Variants in TMEM168 observed in about 807,000 individuals in gnomAD.
TMEM168 encodes the protein transmembrane protein 168.
Under a neutral mutation model 53.2 loss-of-function variants are expected in TMEM168, and 40 were observed. The ratio of observed to expected loss-of-function variants is 0.75; its 90% CI spans 0.58 to 0.98. The LOEUF (loss-of-function observed/expected upper bound fraction) is 0.98, where lower values mean the gene tolerates loss of function less well. TMEM168 is among the 50% of genes least tolerant of loss of function. TMEM168 has a pLI of 0.00. For synonymous variants in TMEM168, 282 were observed against 293.0 expected (o/e 0.96, Z 0.38); for missense variants, 771 against 828.8 (o/e 0.93, Z 0.86).
At position 112,784,581 on chromosome 7, in the gene TMEM168, TA is replaced by T; in HGVS notation, c.244del (p.Tyr82IlefsTer11). On this transcript the variant is annotated frameshift_variant, in exon 2 of 5. Transcript: ENST00000312814. LOFTEE classifies it high-confidence loss of function. ...TGCTGCTTCCATTGAAAAATAGTAA[TA>T]GAGTATGCTGGCGATTCCAAGAACA... ...LFVLGIASIL[Y>X]YYFSMEAASL... 1 of 1,613,332 alleles carries T rather than the reference TA, an allele frequency of 6.2e-7. No homozygotes were observed. Among genetic ancestry groups the T allele is most frequent in the Non-Finnish European group, 8.5e-7 (1 of 1,179,856 alleles).
intron 1 of TMEM168, among the ~76,000 whole-genome samples, chr7:112,787,760 T>C: frequency 8.0e-6 from 1 of 124,520 alleles, no homozygotes; most frequent in African/African-American, 3.2e-5. Context: ...GAGACAGAGT[T>C]TCATTCTTGT....
chr7:112,787,712 C>CTTTTT (rs1793425461), intron 1 of TMEM168, among the ~76,000 whole-genome samples: 1 of 80,434 alleles, frequency 1.2e-5, no homozygotes, highest in African/African-American at 5.0e-5. Flanking sequence ...CTGCGACTGG[C>CTTTTT]ATTTTTTTTT....
intron 3 of TMEM168, 91 bp from the exon 4 acceptor site, chr7:112,773,146 T>C (rs1178173180): frequency 3.7e-6 from 5 of 1,341,712 alleles, no homozygotes; most frequent in Non-Finnish European, 5.0e-6. Context: ...AGTTATAATA[T>C]AGTTGCTGCT....
intron 2 of TMEM168, among the ~76,000 whole-genome samples, chr7:112,781,898 A>T (rs2116287149): frequency 6.6e-6 from 1 of 152,266 alleles, no homozygotes; most frequent in South Asian, 2.1e-4. Context: ...TAAAATTAAA[A>T]ACCTTTACTC....
At chr7:112,786,612 A>C (rs887775087) in intron 1 of TMEM168, among the ~76,000 whole-genome samples, 22 of 151,822 alleles carry the variant, frequency 1.4e-4, no homozygotes, top group African/African-American at 5.3e-4. Context: ...TTTTTTTTTA[A>C]ACATCACTAA....
chr7:112,775,137 A>G (rs750117022), intron 3 of TMEM168, 39 bp downstream of exon 3: 2 of 1,481,906 alleles, frequency 1.3e-6, no homozygotes, highest in South Asian at 2.9e-5. Context: ...AAATGTTATG[A>G]AGTGAATAGT....
intron 2 of TMEM168, among the ~76,000 whole-genome samples, chr7:112,782,808 C>G (rs867397430): frequency 6.6e-6 from 1 of 152,178 alleles, no homozygotes; most frequent in Non-Finnish European, 1.5e-5. Context: ...CAAACTCTTA[C>G]AGAGAGCTGC....
At chr7:112,787,193 C>G (rs1205895586) in intron 1 of TMEM168, among the ~76,000 whole-genome samples, 1 of 152,168 alleles carries the variant, frequency 6.6e-6, no homozygotes, top group Non-Finnish European at 1.5e-5. Flanking sequence ...TCCCCATATC[C>G]TCTATGAAGC....
rs1792784107 is a variant in TMEM168, at chr7:112,766,573, T to A, written c.*624A>T. 1 of 152,714 alleles carries A rather than the reference T, an allele frequency of 6.5e-6. No homozygotes were observed. Among genetic ancestry groups the A allele is most frequent in the Non-Finnish European group, 1.5e-5 (1 of 68,090 alleles). 9.5% of individuals were successfully genotyped at this position (152,714 alleles called of 1,614,324 possible). On this transcript the variant is annotated 3_prime_UTR_variant, in exon 5 of 5. Coordinates refer to ENST00000312814, the MANE Select transcript of TMEM168 (RefSeq NM_022484.6). ...TAGGCTCTAGCCTTTTAACAATACCTACATAAAGAATATTTTGATCTAAAA... is the reference window on the plus strand; with the variant it reads ...TAGGCTCTAGCCTTTTAACAATACCAACATAAAGAATATTTTGATCTAAAA...
Position 112,783,964 on chromosome 7 carries a change from T to C in TMEM168, c.862A>G (p.Thr288Ala). 7 of 1,611,622 alleles carry C rather than the reference T, an allele frequency of 4.3e-6. No homozygotes were observed. The highest frequency in any genetic ancestry group is 1.3e-5 in the African/African-American group (1 of 74,734). ...GGTATTACAAAATACCAGAGGTGAG[T>C]GTCTCTAAGTTTGAATGCGGAAAGA... ...FILSAFKLRD[T>A]HLWYFVIPGF... The change falls in exon 2 of 5, where the codon ACT becomes GCT. Residue 288 changes from threonine to alanine, a missense_variant. Coordinates refer to ENST00000312814, the MANE Select transcript of TMEM168 (RefSeq NM_022484.6).
intron 1 of TMEM168, among the ~76,000 whole-genome samples, chr7:112,788,174 GTTC>G (rs1161563879): frequency 6.6e-6 from 1 of 151,992 alleles, no homozygotes; most frequent in Non-Finnish European, 1.5e-5. Flanking sequence ...CTCCTTGAAG[GTTC>G]TTCATTCTCA....
intron 1 of TMEM168, among the ~76,000 whole-genome samples, 155 bp downstream of exon 1, chr7:112,790,005 A>G (rs1356679578): frequency 1.3e-5 from 2 of 152,088 alleles, no homozygotes; most frequent in African/African-American, 4.8e-5. Context: ...ACACCCTCCA[A>G]TCTCCAACCA....
chr7:112,775,643 T>C (rs1793062315), intron 2 of TMEM168, among the ~76,000 whole-genome samples: 1 of 150,960 alleles, frequency 6.6e-6, no homozygotes, highest in South Asian at 2.1e-4. Flanking sequence ...CTCTTTGATA[T>C]AACAGAGAAA....
chr7:112,788,283 A>C (rs1017676658), intron 1 of TMEM168, among the ~76,000 whole-genome samples: 5 of 152,146 alleles, frequency 3.3e-5, no homozygotes, highest in Non-Finnish European at 5.9e-5. Flanking sequence ...TTTGATTATT[A>C]TCTCTCTACT....
chr7:112,770,268 C>T (rs899155024), intron 4 of TMEM168, among the ~76,000 whole-genome samples: 2 of 152,096 alleles, frequency 1.3e-5, no homozygotes, highest in South Asian at 2.1e-4. Context: ...CACAAGTATG[C>T]GAGATGCCTC....
chr7:112,767,882 C>CA (rs11368195), intron 4 of TMEM168, 138 bp from the exon 5 acceptor site: 475 of 637,052 alleles, frequency 7.5e-4, no homozygotes, highest in Non-Finnish European at 9.2e-4. Flanking sequence ...ATTAAATAAG[C>CA]AAAAAAATAA....
chr7:112,776,088 G>A (rs997312517), intron 2 of TMEM168, among the ~76,000 whole-genome samples: 3 of 150,482 alleles, frequency 2.0e-5, no homozygotes, highest in African/African-American at 7.4e-5. Context: ...TTTTCTATAT[G>A]CTTTCTGTAT....
In TMEM168 at chr7:112,773,041, G is replaced by A. The variant is rs1363645329; in HGVS notation, c.1286C>T (p.Pro429Leu). Residue 429 changes from proline to leucine, a missense_variant, in exon 4 of 5, where the codon CCA (proline) becomes CTA (leucine). Transcript: ENST00000312814. ...TACATGTTCTGGGGGAAGCAGTGTT[G>A]GCTGACCATCAGGACTGAAGTAGGA... is the stretch of plus-strand genomic sequence containing the variant. ...PTNFCSPDGQ[P>L]TLLPPEHVQE... 1.9e-6 allele frequency: 3 copies of A among 1,604,456 alleles called. No homozygotes were observed. The highest frequency in any genetic ancestry group is 1.7e-6 in the Non-Finnish European group (2 of 1,172,480).
At chr7:112,787,713 A>ATTTTTTTTTTTTTTTTTT (rs71155069) in intron 1 of TMEM168, among the ~76,000 whole-genome samples, 11 of 38,788 alleles carry the variant, frequency 2.8e-4, no homozygotes, top group Non-Finnish European at 3.1e-4. Flanking sequence ...TGCGACTGGC[A>ATTTTTTTTTTTTTTTTTT]TTTTTTTTTT....
Sources: allele counts gnomAD v4.1 joint callset (sites outside exome capture counted in the v4.1 genomes callset), GRCh38; gene constraint gnomAD v4.1.1; transcripts MANE v1.5; gene names NCBI Gene and HGNC (gene_info 2026-07-23, HGNC 2026-07-21).